Variants in ZNF516 observed in about 807,000 individuals in gnomAD.
ZNF516 encodes zinc finger protein 516.
Under a neutral mutation model 79.7 loss-of-function variants are expected in ZNF516, and 19 were observed. That is an observed-to-expected ratio of 0.24 (90% CI 0.17 to 0.35). The LOEUF (loss-of-function observed/expected upper bound fraction) is 0.35, where lower values mean the gene tolerates loss of function less well. ZNF516 is among the 10% of genes least tolerant of loss of function. The pLI, the probability that ZNF516 is intolerant of heterozygous loss-of-function variation, is 1.00. For synonymous variants in ZNF516, 877 were observed against 739.5 expected (o/e 1.19, Z -3.02); for missense variants, 1,678 against 1,679.5 (o/e 1.00, Z 0.02).
chr18:76,387,775 A>G (rs1023709157), intron 3 of ZNF516: 1 of 152,268 alleles, frequency 6.6e-6, no homozygotes, highest in African/African-American at 2.4e-5. Context: ...TGACATGGAC[A>G]GGAGACAGGG....
chr18:76,441,672 C>T lies in ZNF516; in HGVS notation c.1383G>A (p.Gln461=). The T allele has an allele frequency of 6.4e-7, 1 of 1,553,938 alleles. No individual in the cohort carries two copies. Among genetic ancestry groups the T allele is most frequent in the Non-Finnish European group, 8.7e-7 (1 of 1,151,590 alleles). ...CATCCTGCTCACGCTTGCGCTTCTC[C>T]TGGCTCACCAGGACGTACTCGCGCC... The part of the protein sequence containing the change: ...KDRREYVLVS[Q]EKRKREQDAP... Residue 461 remains glutamine, a synonymous_variant, in exon 3 of 7, where the codon CAG becomes CAA. Coordinates refer to ENST00000443185, the MANE Select transcript of ZNF516 (RefSeq NM_014643.4).
intron 3 of ZNF516, among the ~76,000 whole-genome samples, chr18:76,424,382 TC>T (rs369160854): frequency 0.32 from 28,191 of 87,008 alleles, 4,444 homozygotes; most frequent in East Asian, 0.46. Flanking sequence ...GGTGAAAGGG[TC>T]CCCCCCGAAA....
At chr18:76,415,867 T>C (rs891818407) in intron 3 of ZNF516, among the ~76,000 whole-genome samples, 1 of 152,206 alleles carries the variant, frequency 6.6e-6, no homozygotes, top group African/African-American at 2.4e-5. Flanking sequence ...ATGTGTATCT[T>C]CGAAAGTTAG....
In ZNF516 at chr18:76,442,818, A is replaced by T. The variant is rs376256451; in HGVS notation, c.237T>A (p.Ile79=). ...HRASQKGNLK[I]HIRSHRTGTL... Reference sequence around the variant, plus strand: ...TCCCCGTGCGGTGGCTCCGGATGTGAATCTTCAGGTTGCCCTTCTGGGAAG... The same window carrying T: ...TCCCCGTGCGGTGGCTCCGGATGTGTATCTTCAGGTTGCCCTTCTGGGAAG... Residue 79 remains isoleucine (I), a synonymous_variant, in exon 3 of 7, where the codon ATT becomes ATA. Coordinates refer to ENST00000443185, the MANE Select transcript of ZNF516 (RefSeq NM_014643.4). 7.3e-5 allele frequency: 118 copies of T among 1,612,344 alleles called. No individual in the cohort carries two copies. The African/African-American group carries it at 1.1e-3, about 15-fold the overall frequency.
At chr18:76,431,015 T>C (rs1054890712) in intron 3 of ZNF516, among the ~76,000 whole-genome samples, 5 of 152,152 alleles carry the variant, frequency 3.3e-5, no homozygotes, top group Admixed American at 1.3e-4. Flanking sequence ...GAGACAAATA[T>C]CCCTAGCTTT....
intron 1 of ZNF516, among the ~76,000 whole-genome samples, chr18:76,482,708 T>G (rs1038393475): frequency 3.3e-5 from 5 of 152,230 alleles, no homozygotes; most frequent in African/African-American, 1.2e-4. Flanking sequence ...ATCAAACGTG[T>G]GACCTTACGT....
intron 4 of ZNF516, among the ~76,000 whole-genome samples, chr18:76,373,173 G>A (rs1297856968): frequency 6.7e-6 from 1 of 148,366 alleles, no homozygotes; most frequent in Non-Finnish European, 1.5e-5. Flanking sequence ...AAAAGAAAGA[G>A]GAAAAAGAAA....
chr18:76,458,511 A>T (rs891921686), intron 2 of ZNF516, among the ~76,000 whole-genome samples: 1 of 152,212 alleles, frequency 6.6e-6, no homozygotes, highest in African/African-American at 2.4e-5. Flanking sequence ...TTCGGGGGGC[A>T]TTTTCTAGAC....
At chr18:76,466,546 G>A (rs553159124) in intron 1 of ZNF516, among the ~76,000 whole-genome samples, 5 of 152,348 alleles carry the variant, frequency 3.3e-5, no homozygotes, top group South Asian at 2.1e-4. Context: ...TGGCTGGCAC[G>A]GCCGGACCCA....
At chr18:76,369,350 G>A (rs1188364712) in intron 6 of ZNF516, among the ~76,000 whole-genome samples, 1 of 151,942 alleles carries the variant, frequency 6.6e-6, no homozygotes. Flanking sequence ...AAATGGCAAG[G>A]GTTTTTGTCA....
At chr18:76,399,282 C>CT (rs1404941838) in intron 3 of ZNF516, among the ~76,000 whole-genome samples, 1 of 152,248 alleles carries the variant, frequency 6.6e-6, no homozygotes, top group African/African-American at 2.4e-5. Flanking sequence ...AAGCACAGCA[C>CT]TGTCAGTATA....
At chr18:76,489,224 C>A (rs1915013225) in intron 1 of ZNF516, among the ~76,000 whole-genome samples, 1 of 152,168 alleles carries the variant, frequency 6.6e-6, no homozygotes, top group African/African-American at 2.4e-5. Context: ...TCCACAACGA[C>A]CCAATACACT....
chr18:76,438,621 T>G (rs1039301949), intron 3 of ZNF516, among the ~76,000 whole-genome samples: 2 of 152,110 alleles, frequency 1.3e-5, no homozygotes, highest in Admixed American at 6.5e-5. Flanking sequence ...AAAAGTAACA[T>G]GAATATCAGA....
At chr18:76,482,701 A>C (rs1020469669) in intron 1 of ZNF516, among the ~76,000 whole-genome samples, 2 of 152,246 alleles carry the variant, frequency 1.3e-5, no homozygotes, top group African/African-American at 4.8e-5. Context: ...TGTCTGTATC[A>C]AACGTGTGAC....
chr18:76,490,700 C>G (rs3764497), intron 1 of ZNF516: 40 of 902,064 alleles, frequency 4.4e-5, no homozygotes, highest in Non-Finnish European at 5.0e-5. Context: ...AGATTCGAAA[C>G]TGCATGGCAG....
intron 1 of ZNF516, among the ~76,000 whole-genome samples, chr18:76,478,012 G>A (rs186478605): frequency 1.2e-4 from 18 of 152,240 alleles, no homozygotes; most frequent in African/African-American, 4.1e-4. Flanking sequence ...CTATTCTGAA[G>A]GGAAAAGGAG....
rs1237618229 is a variant in ZNF516 at position 76,358,589 on chromosome 18, T to C, written c.*3909A>G. On this transcript the variant is annotated 3_prime_UTR_variant, in exon 7 of 7. Coordinates refer to ENST00000443185, the MANE Select transcript of ZNF516 (RefSeq NM_014643.4). ...CCTGTGGTTGTTTCATCTGTTTTTT[T>C]GCTCAGTGAACAAAACGTTCTGAAA... The C allele has an allele frequency of 6.6e-6, 1 of 152,260 alleles. No homozygotes were observed. Among genetic ancestry groups the C allele is most frequent in the Non-Finnish European group, 1.5e-5 (1 of 68,048 alleles). 9.4% of individuals were successfully genotyped at this position (152,260 alleles called of 1,614,324 possible). A position where few individuals can be genotyped will look rare whatever the true frequency, so the allele number is the denominator to read the frequency against.
chr18:76,415,069 A>C (rs2075415889), intron 3 of ZNF516, among the ~76,000 whole-genome samples: 1 of 152,168 alleles, frequency 6.6e-6, no homozygotes, highest in East Asian at 1.9e-4. Context: ...GTAGTGGTAC[A>C]TGCCTGCAGT....
intron 5 of ZNF516, 123 bp from the exon 6 acceptor site, chr18:76,370,718 G>A (rs987892346): frequency 2.8e-5 from 21 of 757,616 alleles, no homozygotes; most frequent in Non-Finnish European, 3.9e-5. Flanking sequence ...CCTGTGGCTG[G>A]AAAATACCAA....
Sources: gnomAD v4.1 joint callset for allele counts (sites outside exome capture counted in the v4.1 genomes callset) on GRCh38, gnomAD v4.1.1 for gene constraint, MANE v1.5 for transcripts, NCBI Gene and HGNC (gene_info 2026-07-23, HGNC 2026-07-21) for gene names.